The following PPOX variants were observed in gnomAD, a reference collection of about 807,000 sequenced individuals.
PPOX encodes variegate porphyria.
In PPOX, 23 loss-of-function variants were observed where a neutral mutation model predicts 54.1. The ratio of observed to expected loss-of-function variants is 0.43; its 90% CI spans 0.31 to 0.60. The LOEUF is 0.60. Among genes scored for constraint, PPOX ranks in the 20% least tolerant of loss-of-function variants. The probability of loss-of-function intolerance (pLI) is 0.13; values close to 1 mark genes in which losing one functional copy is unlikely to be tolerated. For missense variants in PPOX, 512 were observed against 601.1 expected, an observed-to-expected ratio of 0.85 and a Z score of 1.55; for synonymous variants, 224 against 236.1, an observed-to-expected ratio of 0.95 and a Z score of 0.47.
At chr1:161,167,262 A>G (rs1335394620) in intron 3 of PPOX, 28 bp downstream of exon 3, 1 of 1,613,788 alleles carries the variant, frequency 6.2e-7, no homozygotes, top group African/African-American at 1.3e-5. Context: ...TGTCTAGGAG[A>G]GGTTGTGGAG....
Position 161,168,018 on chromosome 1 carries a change from C to T in PPOX, c.362C>T (p.Pro121Leu), listed in dbSNP as rs202029665. ...AGGGGGCTACTCCGCCCTTCACCCC[C>T]CTTCTCCAAACCTCTGTTTTGGGCT... The part of the protein sequence containing the change: ...GLRGLLRPSP[P>L]FSKPLFWAGL... Residue 121 changes from proline (P) to leucine (L), a missense_variant, in exon 5 of 13, where the codon CCC (proline) becomes CTC (leucine). Physicochemically the swap from Pro to Leu is moderately conservative, Grantham distance 98. Coordinates refer to ENST00000367999, the MANE Select transcript of PPOX (RefSeq NM_001122764.3). 1.2e-6 allele frequency: 2 copies of T among 1,614,214 alleles called. No individual in the cohort carries two copies. The highest frequency in any genetic ancestry group is 1.7e-5 in the Admixed American group (1 of 60,020).
downstream of PPOX, chr1:161,176,118 C>G: frequency 6.2e-7 from 1 of 1,600,330 alleles, no homozygotes. Context: ...AGGAAGAGAG[C>G]AAGCCAGCAG....
At position 161,170,609 on chromosome 1, in the gene PPOX, T is replaced by C. The variant is rs1329493495; in HGVS notation, c.1099-11T>C. 2 of 1,614,116 alleles carry C rather than the reference T, an allele frequency of 1.2e-6. No individual in the cohort carries two copies. The highest frequency in any genetic ancestry group is 4.5e-5 in the East Asian group (2 of 44,870). ...AAGGCCAGACTGATCAGTGCTATAT[T>C]CCCTCCTTAGGTGATGCTGGGAGGT... On this transcript the variant is annotated splice_polypyrimidine_tract_variant and intron_variant, in intron 10 of 12. Transcript: ENST00000367999.
chr1:161,167,507 C>T (rs777334277), intron 4 of PPOX, 21 bp downstream of exon 4: 2 of 1,607,970 alleles, frequency 1.2e-6, no homozygotes, highest in South Asian at 1.1e-5. Flanking sequence ...CACCTCCGCT[C>T]CTTTTACTGT....
chr1:161,170,822 G>C (rs1571414802), intron 11 of PPOX, 53 bp downstream of exon 11: 2 of 1,613,950 alleles, frequency 1.2e-6, no homozygotes, highest in African/African-American at 2.7e-5. Context: ...TGAAGACAGA[G>C]ACTGGAACAT....
downstream of PPOX, chr1:161,172,302 CGA>C: frequency 1.2e-6 from 2 of 1,613,770 alleles, no homozygotes; most frequent in African/African-American, 1.3e-5. Flanking sequence ...TGTGGGGGGC[CGA>C]GAGATCTTCA....
At chr1:161,175,160 C>T (rs761875612), downstream of PPOX, 4 of 1,613,728 alleles carry the variant, frequency 2.5e-6, no homozygotes, top group East Asian at 8.9e-5. Flanking sequence ...CCTGGTTCTA[C>T]CCGGGGATTC....
At chr1:161,177,312 C>T, downstream of PPOX, 1 of 548,688 alleles carries the variant, frequency 1.8e-6, no homozygotes, top group Non-Finnish European at 3.3e-6. Flanking sequence ...CCACCTAGGA[C>T]CCCGTCCCTG....
At chr1:161,176,529 G>A in intron 4 of PPOX, 1 of 420,310 alleles carries the variant, frequency 2.4e-6, no homozygotes, top group South Asian at 3.0e-5. Context: ...AAATGTCACA[G>A]AGGGCAGAGA....
At chr1:161,175,068 C>T, downstream of PPOX, 1 of 1,614,120 alleles carries the variant, frequency 6.2e-7, no homozygotes, top group Non-Finnish European at 8.5e-7. Context: ...GCAGCAGGCG[C>T]AGGTGGTGCT....
chr1:161,174,935 T>G, downstream of PPOX: 1 of 1,548,930 alleles, frequency 6.5e-7, no homozygotes, highest in African/African-American at 1.4e-5. Flanking sequence ...TGAAGTGGCA[T>G]GTGCTTGAGG....
In PPOX at chr1:161,168,053, G is replaced by A; in HGVS notation, c.397G>A (p.Glu133Lys). 6.2e-7 allele frequency: 1 copy of A among 1,614,100 alleles called. No individual in the cohort carries two copies. Among genetic ancestry groups the A allele is most frequent in the Non-Finnish European group, 8.5e-7 (1 of 1,180,016 alleles). Residue 133 changes from glutamate (E) to lysine (K), a missense_variant, in exon 5 of 13, where the codon GAG becomes AAG. Physicochemically the swap from Glu to Lys is moderately conservative, Grantham distance 56 (BLOSUM62 1). Transcript: ENST00000367999. ...SKPLFWAGLR[E>K]LTKPRGKEPD... is the part of the protein sequence containing the mutation. ...ACCTCTGTTTTGGGCTGGGCTGAGGGAGCTGACCAAGCCCCGGGGCAAAGA... is the reference window on the plus strand; with the variant it reads ...ACCTCTGTTTTGGGCTGGGCTGAGGAAGCTGACCAAGCCCCGGGGCAAAGA...
Position 161,167,230 on chromosome 1 carries a change from T to C in PPOX, c.218T>C (p.Leu73Pro). ...GGAGCCCTAGGGGCCCGGACCTTGC[T>C]CCTGGTGAGAGGCTTGTGGGATGTC... Reference protein sequence around the residue: ...PAGALGARTLLLVSELGLDSE... With the variant: ...PAGALGARTLPLVSELGLDSE... The change falls in exon 3 of 13, where the codon CTC (leucine) becomes CCC (proline). Residue 73 changes from leucine (L) to proline (P), a missense_variant. Leu to Pro is a moderately conservative substitution (Grantham distance 98). Transcript: ENST00000367999. 1 of 1,614,186 alleles carries C rather than the reference T, an allele frequency of 6.2e-7. No individual in the cohort carries two copies. The highest frequency in any genetic ancestry group is 8.5e-7 in the Non-Finnish European group (1 of 1,180,038).
At chr1:161,172,491 G>A, downstream of PPOX, 1 of 649,570 alleles carries the variant, frequency 1.5e-6, no homozygotes. Context: ...AATGGCTGAA[G>A]AGAATATAAA....
chr1:161,167,566 T>TC, intron 4 of PPOX, 80 bp downstream of exon 4: 12 of 1,380,246 alleles, frequency 8.7e-6, no homozygotes, highest in Non-Finnish European at 8.6e-6. Flanking sequence ...TCTTTTTTTT[T>TC]TTTTTTTTTT....
downstream of PPOX, chr1:161,171,875 G>A: frequency 6.2e-7 from 1 of 1,614,196 alleles, no homozygotes; most frequent in Admixed American, 1.7e-5. Flanking sequence ...GGCCTGGCTG[G>A]GGGCCGGCGT....
At position 161,170,092 on chromosome 1, in the gene PPOX, C is replaced by T. The variant is rs189265509; in HGVS notation, c.987+68C>T. ...CTGTAATCCCAGCATTTTGGGAGGC[C>T]GAGGTGGGCAGATAACAAGGTCAGG... On this transcript the variant is annotated intron_variant, in intron 9 of 12. Coordinates refer to ENST00000367999, the MANE Select transcript of PPOX (RefSeq NM_001122764.3). 3.8e-5 allele frequency: 58 copies of T among 1,538,556 alleles called. No homozygotes were observed. The East Asian group carries it at 1.1e-3, about 29-fold the overall frequency.
At chr1:161,167,026 C>T (rs1571328737) in intron 2 of PPOX, 74 bp from the exon 3 acceptor site, 2 of 1,613,004 alleles carry the variant, frequency 1.2e-6, no homozygotes, top group Non-Finnish European at 1.7e-6. Flanking sequence ...CTGAATATGC[C>T]TCTTCCCCTC....
At chr1:161,177,207 A>T (rs1441000820), downstream of PPOX, 1 of 819,458 alleles carries the variant, frequency 1.2e-6, no homozygotes, top group Non-Finnish European at 1.9e-6. Flanking sequence ...GGGGGTTAAA[A>T]CCCAGCTCTT....
Sources: allele counts gnomAD v4.1 joint callset, GRCh38; gene constraint gnomAD v4.1.1; transcripts MANE v1.5; gene names NCBI Gene and HGNC (gene_info 2026-07-23, HGNC 2026-07-21).